Variants in RBMS3 observed in about 807,000 individuals in gnomAD.
The protein encoded by RBMS3 is RNA-binding motif, single-stranded-interacting protein 3.
In RBMS3, 27 loss-of-function variants were observed where a neutral mutation model predicts 66.8. The ratio of observed to expected loss-of-function variants is 0.40; its 90% CI spans 0.30 to 0.56. RBMS3 has a LOEUF of 0.56. RBMS3 is among the 20% of genes least tolerant of loss of function. RBMS3 has a pLI of 0.40. For synonymous variants in RBMS3, 188 were observed against 183.0 expected (o/e 1.03, Z -0.22); for missense variants, 513 against 549.5 (o/e 0.93, Z 0.66).
At chr3:29,454,649 C>T (rs1292221446) in intron 2 of RBMS3, among the ~76,000 whole-genome samples, 2 of 152,174 alleles carry the variant, frequency 1.3e-5, no homozygotes, top group Non-Finnish European at 2.9e-5. Flanking sequence ...CAGCACTTAA[C>T]ATAAATGAAG....
intron 5 of RBMS3, among the ~76,000 whole-genome samples, chr3:29,744,081 A>C (rs984107134): frequency 7.2e-5 from 11 of 151,952 alleles, no homozygotes; most frequent in African/African-American, 2.7e-4. Flanking sequence ...CCACCCTTTG[A>C]GAACTATTGC....
intron 2 of RBMS3, among the ~76,000 whole-genome samples, chr3:29,467,478 T>G (rs2042582449): frequency 1.3e-5 from 2 of 152,180 alleles, no homozygotes; most frequent in Admixed American, 1.3e-4. Context: ...TAAAATATCC[T>G]TAGTGATCTA....
chr3:29,519,263 T>C (rs923833425), intron 3 of RBMS3, among the ~76,000 whole-genome samples: 4 of 152,008 alleles, frequency 2.6e-5, no homozygotes, highest in Non-Finnish European at 1.5e-5. Flanking sequence ...AGAACCTAAA[T>C]GAGGAATTAT....
chr3:29,535,332 T>G (rs1186811489), intron 3 of RBMS3, among the ~76,000 whole-genome samples: 2 of 152,172 alleles, frequency 1.3e-5, no homozygotes, highest in Non-Finnish European at 1.5e-5. Context: ...AGATTGTAAA[T>G]GCATCATTCT....
chr3:29,921,379 C>A (rs2060774715), intron 10 of RBMS3, among the ~76,000 whole-genome samples: 1 of 151,394 alleles, frequency 6.6e-6, no homozygotes, highest in Admixed American at 6.6e-5. Context: ...TTTTTTTAAC[C>A]CTTTATAAAA....
At chr3:29,807,257 ACTGT>A (rs760234807) in intron 6 of RBMS3, among the ~76,000 whole-genome samples, 8 of 151,918 alleles carry the variant, frequency 5.3e-5, no homozygotes, top group Non-Finnish European at 1.0e-4. Context: ...TAACTAAGCA[ACTGT>A]CTTTTTCTTC....
At chr3:29,656,279 C>A (rs1181795721) in intron 4 of RBMS3, among the ~76,000 whole-genome samples, 2 of 152,150 alleles carry the variant, frequency 1.3e-5, no homozygotes, top group African/African-American at 4.8e-5. Context: ...TCATGTACAT[C>A]ATTTCAAAAT....
chr3:29,733,030 T>C (rs2054200881), intron 4 of RBMS3, among the ~76,000 whole-genome samples: 1 of 152,154 alleles, frequency 6.6e-6, no homozygotes, highest in South Asian at 2.1e-4. Context: ...ATGAGATAGA[T>C]AAAGGGCCAC....
intron 6 of RBMS3, among the ~76,000 whole-genome samples, chr3:29,788,457 C>G (rs2056898526): frequency 6.6e-6 from 1 of 152,038 alleles, no homozygotes; most frequent in African/African-American, 2.4e-5. Context: ...GATCTCCTGA[C>G]CTTGTGATCT....
At chr3:29,839,434 C>A (rs1287972874) in intron 6 of RBMS3, among the ~76,000 whole-genome samples, 2 of 151,986 alleles carry the variant, frequency 1.3e-5, no homozygotes, top group Non-Finnish European at 2.9e-5. Flanking sequence ...AAAAAGGAGA[C>A]CCCCTTCTTT....
intron 1 of RBMS3, among the ~76,000 whole-genome samples, chr3:29,424,787 G>A (rs568160676): frequency 6.6e-6 from 1 of 152,264 alleles, no homozygotes; most frequent in African/African-American, 2.4e-5. Context: ...TTTGCTACAA[G>A]TAACCAAATC....
chr3:29,441,050 A>T (rs2041601567), intron 2 of RBMS3, among the ~76,000 whole-genome samples: 1 of 152,200 alleles, frequency 6.6e-6, no homozygotes, highest in South Asian at 2.1e-4. Context: ...AGACCCTAGG[A>T]AATTTATTAG....
At chr3:29,809,853 G>C (rs952758719) in intron 6 of RBMS3, among the ~76,000 whole-genome samples, 1 of 151,830 alleles carries the variant, frequency 6.6e-6, no homozygotes, top group Non-Finnish European at 1.5e-5. Context: ...GAATTTTAGA[G>C]GAAGGAAAAA....
At chr3:29,565,736 G>T (rs2046719268) in intron 3 of RBMS3, among the ~76,000 whole-genome samples, 2 of 152,044 alleles carry the variant, frequency 1.3e-5, no homozygotes, top group Non-Finnish European at 2.9e-5. Flanking sequence ...ATGCATATTT[G>T]ACAATTTAGA....
At chr3:29,361,045 C>G (rs1240039008) in intron 1 of RBMS3, among the ~76,000 whole-genome samples, 1 of 151,896 alleles carries the variant, frequency 6.6e-6, no homozygotes, top group East Asian at 1.9e-4. Context: ...TAGCCCATTT[C>G]CATTTAAGGT....
At chr3:29,335,608 A>G (rs888114254) in intron 1 of RBMS3, among the ~76,000 whole-genome samples, 4 of 152,144 alleles carry the variant, frequency 2.6e-5, no homozygotes, top group Non-Finnish European at 5.9e-5. Flanking sequence ...TAAGCACTCT[A>G]CTGCTACTTA....
At chr3:29,503,104 T>C (rs1437228502) in intron 3 of RBMS3, among the ~76,000 whole-genome samples, 1 of 152,128 alleles carries the variant, frequency 6.6e-6, no homozygotes, top group Non-Finnish European at 1.5e-5. Context: ...GATGGATGAA[T>C]CCAGAGATAA....
chr3:29,538,266 T>A (rs558097232), intron 3 of RBMS3, among the ~76,000 whole-genome samples: 1 of 152,340 alleles, frequency 6.6e-6, no homozygotes, highest in East Asian at 1.9e-4. Context: ...TTTTGGCCTC[T>A]GTACAATTTA....
chr3:29,710,976 C>T (rs1006587251), intron 4 of RBMS3, among the ~76,000 whole-genome samples: 12 of 152,102 alleles, frequency 7.9e-5, no homozygotes, highest in South Asian at 2.1e-4. Flanking sequence ...CACTGTTCCA[C>T]GCATTAAATA....
Sources: allele counts gnomAD v4.1 joint callset (sites outside exome capture counted in the v4.1 genomes callset), GRCh38; gene constraint gnomAD v4.1.1; transcripts MANE v1.5; gene names NCBI Gene and HGNC (gene_info 2026-07-23, HGNC 2026-07-21).